The following PRAG1 variants were observed in gnomAD, a reference collection of about 807,000 sequenced individuals.
The protein encoded by PRAG1 is inactive tyrosine-protein kinase PRAG1.
PRAG1 carries 110 observed loss-of-function variants against 95.6 expected under a neutral mutation model. The observed-to-expected ratio is 1.15, with a 90% CI of 0.99 to 1.35. PRAG1 has a LOEUF of 1.35. PRAG1 is among the 40% of genes most tolerant of loss of function. The pLI is 0.00. For missense variants in PRAG1, 2,554 were observed against 1,864.7 expected, an observed-to-expected ratio of 1.37 and a Z score of -6.81; for synonymous variants, 1,052 against 819.4, an observed-to-expected ratio of 1.28 and a Z score of -4.85.
In PRAG1 at chr8:8,319,061, C is replaced by A. The variant is rs373560991; in HGVS notation, c.3314G>T (p.Arg1105Leu). The A allele has an allele frequency of 2.5e-6, 4 of 1,612,036 alleles. No homozygotes were observed. Among genetic ancestry groups the A allele is most frequent in the Non-Finnish European group, 3.4e-6 (4 of 1,179,784 alleles). ...VPHQTASDFV[R>L]DSAASHQAEP... ...CGCCTGGTGGCTGGCCGCCGAGTCC[C>A]GCACGAAGTCGGAGGCGGTCTGATG... The change falls in exon 6 of 6, where the codon CGG becomes CTG. Residue 1105 changes from arginine to leucine, a missense_variant. Arg to Leu is a moderately radical substitution (Grantham distance 102). Transcript: ENST00000615670.
intron 5 of PRAG1, among the ~76,000 whole-genome samples, chr8:8,323,872 C>T (rs903487565): frequency 1.2e-4 from 19 of 152,110 alleles, no homozygotes; most frequent in Non-Finnish European, 2.1e-4. Flanking sequence ...CACTGGAAAG[C>T]GCTTCGAGTA....
intron 4 of PRAG1, among the ~76,000 whole-genome samples, chr8:8,333,079 A>G (rs1425663576): frequency 6.6e-6 from 1 of 152,258 alleles, no homozygotes; most frequent in African/African-American, 2.4e-5. Context: ...CCCAAGGGAC[A>G]TGAGACTAAC....
chr8:8,334,089 C>G (rs1287724094), intron 4 of PRAG1, among the ~76,000 whole-genome samples: 2 of 152,178 alleles, frequency 1.3e-5, no homozygotes, highest in African/African-American at 4.8e-5. Flanking sequence ...TTTGCAATCT[C>G]TTGTTTGGTT....
intron 3 of PRAG1, among the ~76,000 whole-genome samples, chr8:8,340,104 T>G (rs1249713338): frequency 6.6e-6 from 1 of 152,250 alleles, no homozygotes; most frequent in Non-Finnish European, 1.5e-5. Flanking sequence ...TTTTACCTGG[T>G]ACTCTTTTGC....
intron 3 of PRAG1, among the ~76,000 whole-genome samples, chr8:8,363,919 A>T (rs1222318848): frequency 1.3e-5 from 2 of 152,176 alleles, no homozygotes; most frequent in African/African-American, 4.8e-5. Flanking sequence ...GTTTCTGGAC[A>T]TATTTCTAGT....
intron 4 of PRAG1, among the ~76,000 whole-genome samples, chr8:8,336,176 A>G (rs1336964755): frequency 6.6e-6 from 1 of 152,202 alleles, no homozygotes; most frequent in African/African-American, 2.4e-5. Context: ...GAACTCTCTA[A>G]TCTTCTCTAA....
rs57329300 is a variant in PRAG1 at position 8,345,046 on chromosome 8, G to GGTGTGTGTGTGTGTGT, written c.2163-5427_2163-5412dup. 4.1e-3 allele frequency among the ~76,000 whole-genome samples: 550 copies of GGTGTGTGTGTGTGTGT among 134,014 alleles called. 6 individuals are homozygous for GGTGTGTGTGTGTGTGT. Among genetic ancestry groups the GGTGTGTGTGTGTGTGT allele is most frequent in the South Asian group, 7.6e-3 (30 of 3,960 alleles). The allele number at this position is 134,014 out of a possible 152,430, so 87.9% of individuals were successfully genotyped here. On this transcript the variant is annotated intron_variant, in intron 3 of 5. Coordinates refer to ENST00000615670, the MANE Select transcript of PRAG1 (RefSeq NM_001080826.3). ...TGATTACAGGATAAATTATCCGCAGGGTGTGTGTGTGTGTGTGTGTGTGTG... is the reference window on the plus strand; with the variant it reads ...TGATTACAGGATAAATTATCCGCAGGGTGTGTGTGTGTGTGTGTGTGTGTGTGTGTGTGTGTGTGTG...
intron 3 of PRAG1, among the ~76,000 whole-genome samples, chr8:8,354,175 T>A (rs539215723): frequency 6.6e-6 from 1 of 151,964 alleles, no homozygotes; most frequent in Non-Finnish European, 1.5e-5. Context: ...ACAAATTGGA[T>A]GACAGAGAGA....
Position 8,381,700 on chromosome 8 carries a change from C to G in PRAG1, c.48G>C (p.Ala16=), listed in dbSNP as rs745643377. 12 of 1,608,052 alleles carry G rather than the reference C, an allele frequency of 7.5e-6. No homozygotes were observed. Among genetic ancestry groups the G allele is most frequent in the Non-Finnish European group, 1.0e-5 (12 of 1,175,256 alleles). ...AGATGTGCTCCACAAAGTCACTGCA[C>G]GCAGACATTTTCAGGCTCTCGGGGT... ...CLNPESLKMS[A]CSDFVEHIWK... Residue 16 remains alanine, a synonymous_variant, in exon 2 of 6, where the codon GCG becomes GCC. Transcript: ENST00000615670.
intron 3 of PRAG1, among the ~76,000 whole-genome samples, chr8:8,371,643 G>A (rs1800209836): frequency 6.6e-6 from 1 of 152,154 alleles, no homozygotes; most frequent in Non-Finnish European, 1.5e-5. Context: ...GCTGAGGCAG[G>A]TGGATCATTT....
chr8:8,381,281 C>G, intron 2 of PRAG1, 137 bp downstream of exon 2: 1 of 749,454 alleles, frequency 1.3e-6, no homozygotes, highest in Non-Finnish European at 2.1e-6. Context: ...CAGGCAGGAG[C>G]CATCTCAGGG....
intron 3 of PRAG1, among the ~76,000 whole-genome samples, chr8:8,365,015 T>C (rs1321914687): frequency 6.6e-6 from 1 of 152,136 alleles, no homozygotes; most frequent in African/African-American, 2.4e-5. Flanking sequence ...TTTTGAAAGA[T>C]TTGAAGAAAG....
chr8:8,319,328 C>T, intron 5 of PRAG1, 26 bp from the exon 6 acceptor site: 2 of 1,486,296 alleles, frequency 1.3e-6, no homozygotes, highest in South Asian at 2.8e-5. Flanking sequence ...GAAGTGAAAT[C>T]AAGAGTGGGG....
intron 4 of PRAG1, among the ~76,000 whole-genome samples, chr8:8,336,908 T>TCCCCCCCCCCCCCC (rs1214780667): frequency 4.1e-5 from 2 of 49,030 alleles, no homozygotes; most frequent in Admixed American, 2.7e-4. Flanking sequence ...CACACCCCTT[T>TCCCCCCCCCCCCCC]CCCCCCTCCC....
intron 3 of PRAG1, chr8:8,374,698 A>C: frequency 4.1e-6 from 4 of 985,422 alleles, no homozygotes; most frequent in Non-Finnish European, 3.6e-6. Context: ...CGGCTGCCAA[A>C]GAGTCTGCAA....
chr8:8,329,671 A>G (rs1798757334), intron 4 of PRAG1, among the ~76,000 whole-genome samples: 1 of 152,224 alleles, frequency 6.6e-6, no homozygotes, highest in African/African-American at 2.4e-5. Context: ...TGAACAGTTA[A>G]TAACCTTCTA....
intron 2 of PRAG1, 31 bp from the exon 3 acceptor site, chr8:8,378,109 T>C (rs776765964): frequency 2.1e-5 from 32 of 1,508,030 alleles, no homozygotes; most frequent in Admixed American, 4.5e-5. Context: ...AAAAGACTTA[T>C]ATTAGAACTT....
chr8:8,354,412 A>T (rs1288638342), intron 3 of PRAG1, among the ~76,000 whole-genome samples: 1 of 152,068 alleles, frequency 6.6e-6, no homozygotes, highest in Non-Finnish European at 1.5e-5. Flanking sequence ...AGCTAGAGGG[A>T]ATACTTCCAA....
intron 3 of PRAG1, among the ~76,000 whole-genome samples, chr8:8,347,978 G>A (rs1006009618): frequency 6.6e-6 from 1 of 151,624 alleles, no homozygotes; most frequent in African/African-American, 2.4e-5. Context: ...GTGCAGTGGC[G>A]TGATCTTGGC....
Sources: gnomAD v4.1 joint callset for allele counts (sites outside exome capture counted in the v4.1 genomes callset) on GRCh38, gnomAD v4.1.1 for gene constraint, MANE v1.5 for transcripts, NCBI Gene and HGNC (gene_info 2026-07-23, HGNC 2026-07-21) for gene names.